The following PDE4D variants were observed in gnomAD, a reference collection of about 807,000 sequenced individuals.
The protein encoded by PDE4D is 3',5'-cyclic-AMP phosphodiesterase 4D.
Under a neutral mutation model 87.4 loss-of-function variants are expected in PDE4D, and 24 were observed. The ratio of observed to expected loss-of-function variants is 0.27; its 90% CI spans 0.20 to 0.39. The LOEUF is 0.39. Among genes scored for constraint, PDE4D ranks in the 10% least tolerant of loss-of-function variants. The probability of loss-of-function intolerance (pLI) is 1.00; values close to 1 mark genes in which losing one functional copy is unlikely to be tolerated. For missense variants in PDE4D, 714 were observed against 1,041.0 expected, an observed-to-expected ratio of 0.69 and a Z score of 4.32; for synonymous variants, 384 against 383.2, an observed-to-expected ratio of 1.00 and a Z score of -0.02.
At chr5:59,201,625 G>C (rs1359900828) in intron 2 of PDE4D, among the ~76,000 whole-genome samples, 1 of 152,116 alleles carries the variant, frequency 6.6e-6, no homozygotes, top group Non-Finnish European at 1.5e-5. Context: ...TGGATCCTCT[G>C]TATTGCTTGG....
At chr5:60,305,677 A>C (rs1754431993) in intron 1 of PDE4D, among the ~76,000 whole-genome samples, 1 of 151,490 alleles carries the variant, frequency 6.6e-6, no homozygotes, top group South Asian at 2.1e-4. Context: ...AAAATCCTGC[A>C]AGATTCCAGG....
intron 1 of PDE4D, among the ~76,000 whole-genome samples, chr5:59,752,833 A>G (rs545098907): frequency 6.6e-6 from 1 of 152,310 alleles, no homozygotes; most frequent in East Asian, 1.9e-4. Flanking sequence ...ATAGGACACA[A>G]TAACACATAG....
rs551084879 is a variant in PDE4D at position 60,421,313 on chromosome 5, G to A, written c.-90+66629C>T. Among the ~76,000 whole-genome samples, 476 of 152,294 alleles carry A rather than the reference G, an allele frequency of 3.1e-3. 3 individuals are homozygous for A. Among genetic ancestry groups the A allele is most frequent in the African/African-American group, 0.011 (448 of 41,572 alleles). On this transcript the variant is annotated intron_variant, in intron 1 of 16. Transcript: ENST00000502484. ...TGACAGACATCTCACACAGGCAGGT[G>A]CCCCTCTAGCACGAAGCTTATGGAG... is the stretch of plus-strand genomic sequence containing the variant.
At chr5:59,655,337 A>C (rs958979709) in intron 1 of PDE4D, among the ~76,000 whole-genome samples, 1 of 152,198 alleles carries the variant, frequency 6.6e-6, no homozygotes, top group East Asian at 1.9e-4. Context: ...TGTTCCAAAT[A>C]TTGCCAATAA....
At chr5:59,939,210 T>C (rs1179549712) in intron 3 of PDE4D, among the ~76,000 whole-genome samples, 1 of 152,222 alleles carries the variant, frequency 6.6e-6, no homozygotes, top group Non-Finnish European at 1.5e-5. Flanking sequence ...GCCACCAAAA[T>C]TGATGAGTGT....
chr5:60,044,294 T>C lies in PDE4D; in HGVS notation c.43-55577A>G, dbSNP rs1281925504. On this transcript the variant is annotated intron_variant, in intron 2 of 16. Coordinates refer to the PDE4D transcript ENST00000502484. ...ATATACACTTATTATGTACCCATAA[T>C]AATTAAAAACAATTTTTTAAAAGAT... Among the ~76,000 whole-genome samples, 3 of 152,278 alleles carry C rather than the reference T, an allele frequency of 2.0e-5. No homozygotes were observed. The East Asian group carries it at 5.8e-4, about 29-fold the overall frequency.
intron 1 of PDE4D, among the ~76,000 whole-genome samples, chr5:59,224,601 A>G (rs115162622): frequency 2.6e-3 from 394 of 152,292 alleles, no homozygotes; most frequent in Middle Eastern, 0.01. Context: ...TATGGACTGA[A>G]TCTTGTTTCC....
chr5:59,108,209 A>G (rs1771960120), intron 5 of PDE4D, among the ~76,000 whole-genome samples: 1 of 152,178 alleles, frequency 6.6e-6, no homozygotes, highest in African/African-American at 2.4e-5. Flanking sequence ...CGTAAACCCA[A>G]CTGGAGATTC....
At chr5:59,119,808 G>C (rs1333458625) in intron 5 of PDE4D, among the ~76,000 whole-genome samples, 17 of 152,142 alleles carry the variant, frequency 1.1e-4, no homozygotes, top group Non-Finnish European at 1.5e-5. Flanking sequence ...TGAAGTGCTA[G>C]AGACAAGAGC....
intron 1 of PDE4D, among the ~76,000 whole-genome samples, chr5:60,261,696 T>TA (rs1198366604): frequency 1.3e-5 from 2 of 152,118 alleles, no homozygotes; most frequent in African/African-American, 2.4e-5. Context: ...AATGATTTTT[T>TA]AAAAAAATCA....
intron 1 of PDE4D, among the ~76,000 whole-genome samples, chr5:60,342,547 A>T (rs933223873): frequency 6.6e-6 from 1 of 151,794 alleles, no homozygotes; most frequent in Non-Finnish European, 1.5e-5. Context: ...AAGCTCAAAA[A>T]CTCTTAGCCA....
At position 59,062,876 on chromosome 5, in the gene PDE4D, A is replaced by G. The variant is rs150067742; in HGVS notation, c.809-23905T>C. On this transcript the variant is annotated intron_variant, in intron 5 of 14. Transcript: ENST00000340635. ...CCCCTATAACACTACATACATACAT[A>G]GGCTCACATAAGTGACACTTACTAT... Among the ~76,000 whole-genome samples the G allele has an allele frequency of 6.1e-4, 93 of 152,120 alleles. 4 individuals carry two copies. In the East Asian group the frequency reaches 0.015, roughly 24 times the overall value.
chr5:60,039,242 C>A (rs941551708), intron 2 of PDE4D, among the ~76,000 whole-genome samples: 2 of 151,958 alleles, frequency 1.3e-5, no homozygotes, highest in African/African-American at 2.4e-5. Flanking sequence ...ATACACCATG[C>A]AATACTATGC....
At chr5:60,091,643 T>TA (rs1204164315) in intron 2 of PDE4D, among the ~76,000 whole-genome samples, 12 of 152,274 alleles carry the variant, frequency 7.9e-5, no homozygotes, top group African/African-American at 2.9e-4. Flanking sequence ...GAATACATTT[T>TA]AAAAAATTAA....
At chr5:59,728,938 A>G (rs1756987868) in intron 1 of PDE4D, among the ~76,000 whole-genome samples, 1 of 152,116 alleles carries the variant, frequency 6.6e-6, no homozygotes, top group African/African-American at 2.4e-5. Flanking sequence ...TCTTATGCTT[A>G]TAATATTATG....
At chr5:59,130,227 A>G (rs1018004797) in intron 5 of PDE4D, among the ~76,000 whole-genome samples, 1 of 152,122 alleles carries the variant, frequency 6.6e-6, no homozygotes, top group Non-Finnish European at 1.5e-5. Context: ...TAGCTACAAA[A>G]CCTAATTGTG....
intron 2 of PDE4D, among the ~76,000 whole-genome samples, chr5:60,095,752 A>T (rs968375171): frequency 2.0e-5 from 3 of 151,972 alleles, no homozygotes; most frequent in African/African-American, 7.2e-5. Context: ...CTCCAGCATC[A>T]GTTGTTTCCT....
At position 60,380,441 on chromosome 5, in the gene PDE4D, C is replaced by T. The variant is rs566779350; in HGVS notation, c.-90+107501G>A. ...AAAATGGGAATACATAGTATATGCA[C>T]CACTTTCAAGCAAAATTTTAAGAGC... is the stretch of plus-strand genomic sequence containing the variant. On this transcript the variant is annotated intron_variant, in intron 1 of 16. Coordinates refer to the PDE4D transcript ENST00000502484. 6.6e-5 allele frequency among the ~76,000 whole-genome samples: 10 copies of T among 152,276 alleles called. No individual in the cohort carries two copies. The South Asian group carries it at 1.9e-3, about 28-fold the overall frequency.
chr5:60,436,126 T>G (rs1027786429), intron 1 of PDE4D, among the ~76,000 whole-genome samples: 1 of 152,102 alleles, frequency 6.6e-6, no homozygotes, highest in Non-Finnish European at 1.5e-5. Context: ...TTTATCAAAG[T>G]GCTGAATATT....
Sources: allele counts gnomAD v4.1 joint callset (sites outside exome capture counted in the v4.1 genomes callset), GRCh38; gene constraint gnomAD v4.1.1; transcripts MANE v1.5; gene names NCBI Gene and HGNC (gene_info 2026-07-23, HGNC 2026-07-21).